IL27RA: variants seen among roughly 807,000 people sequenced by gnomAD.
IL27RA encodes interleukin 27 receptor subunit alpha.
In IL27RA, 61 loss-of-function variants were observed where a neutral mutation model predicts 80.8. The ratio of observed to expected loss-of-function variants is 0.76; its 90% confidence interval spans 0.61 to 0.93. The LOEUF (loss-of-function observed/expected upper bound fraction) is 0.93. Among genes scored for constraint, IL27RA ranks in the 40% least tolerant of loss-of-function variants. The pLI, the probability that IL27RA is intolerant of heterozygous loss-of-function variation, is 0.00. For missense variants in IL27RA, 735 were observed against 808.1 expected (o/e 0.91, Z 1.10); for synonymous variants, 316 against 332.5 (o/e 0.95, Z 0.54).
chr19:14,052,263 G>GC lies in IL27RA; in HGVS notation c.1890dup (p.Arg631GlnfsTer65), dbSNP rs748604064. On this transcript the variant is annotated frameshift_variant, in exon 14 of 14. Coordinates refer to ENST00000263379, the MANE Select transcript of IL27RA (RefSeq NM_004843.4). LOFTEE classifies it high-confidence loss of function. Reference sequence around the variant, plus strand: ...CACCTGAGGAGCTGGGCCTTCTGGGGCCCCCCAGGCCACAGGTTCTGGCCT... The same window carrying GC: ...CACCTGAGGAGCTGGGCCTTCTGGGGCCCCCCCAGGCCACAGGTTCTGGCCT... 6.5e-6 allele frequency: 10 copies of GC among 1,536,554 alleles called. No individual in the cohort carries two copies. The highest frequency in any genetic ancestry group is 4.2e-5 in the Admixed American group (2 of 48,080).
At chr19:14,048,290 A>AATT (rs1976101453) in intron 8 of IL27RA, among the ~76,000 whole-genome samples, 2 of 128,676 alleles carry the variant, frequency 1.6e-5, no homozygotes, top group East Asian at 2.5e-4. Flanking sequence ...ATAAATAAAT[A>AATT]AATTAATTAA....
intron 6 of IL27RA, among the ~76,000 whole-genome samples, chr19:14,042,995 C>G (rs1381937648): frequency 6.6e-6 from 1 of 151,336 alleles, no homozygotes; most frequent in Non-Finnish European, 1.5e-5. Context: ...TACAAAACTT[C>G]ACGGGGAGTG....
chr19:14,041,714 C>T (rs1241801041), intron 4 of IL27RA, among the ~76,000 whole-genome samples: 1 of 152,098 alleles, frequency 6.6e-6, no homozygotes, highest in Non-Finnish European at 1.5e-5. Flanking sequence ...TTTGACAGGC[C>T]CATGTTCTGG....
At chr19:14,047,358 C>CT (rs146646872) in intron 8 of IL27RA, among the ~76,000 whole-genome samples, 40,755 of 129,572 alleles carry the variant, frequency 0.31, 7,159 homozygotes, top group African/African-American at 0.51. Context: ...CCTAACTTTT[C>CT]TTTTTTTTTT....
chr19:14,037,989 T>C (rs1183646073), intron 2 of IL27RA, among the ~76,000 whole-genome samples: 2 of 151,624 alleles, frequency 1.3e-5, no homozygotes, highest in Admixed American at 1.3e-4. Flanking sequence ...TGCCACCACG[T>C]CCAGCTAATT....
chr19:14,046,208 C>T lies in IL27RA; in HGVS notation c.823C>T (p.Arg275Cys), dbSNP rs372221939. 1.4e-5 allele frequency: 23 copies of T among 1,614,054 alleles called. No individual in the cohort carries two copies. The highest frequency in any genetic ancestry group is 2.2e-5 in the East Asian group (1 of 44,898). Residue 275 changes from arginine to cysteine, a missense_variant, in exon 7 of 14, where the codon CGT (arginine) becomes TGT (cysteine). Physicochemically the swap from Arg to Cys is radical, Grantham distance 180. Coordinates refer to ENST00000263379, the MANE Select transcript of IL27RA (RefSeq NM_004843.4). ...CAAAGTCTGGTTCTGGGTTGGAGGT[C>T]GTGAGCTGAGTCCAGAAGGAATTAC... ...SYKVWFWVGGRELSPEGITCC... is the reference protein window; with the variant it reads ...SYKVWFWVGGCELSPEGITCC...
intron 2 of IL27RA, among the ~76,000 whole-genome samples, chr19:14,032,808 A>G (rs1289490225): frequency 1.2e-5 from 1 of 80,634 alleles, no homozygotes; most frequent in Non-Finnish European, 2.0e-5. Context: ...TCTGTCTCAA[A>G]AAAAAAAAAA....
At chr19:14,037,653 C>T (rs1250005534) in intron 2 of IL27RA, among the ~76,000 whole-genome samples, 5 of 152,114 alleles carry the variant, frequency 3.3e-5, no homozygotes, top group Admixed American at 3.3e-4. Flanking sequence ...CTAGCTACTG[C>T]ATGGTTCTGT....
intron 6 of IL27RA, among the ~76,000 whole-genome samples, chr19:14,043,513 C>T (rs1376860102): frequency 6.6e-6 from 1 of 151,164 alleles, no homozygotes; most frequent in Non-Finnish European, 1.5e-5. Context: ...CAACCTCCAC[C>T]TCCCAGGTTC....
rs771310248 is a variant in IL27RA at position 14,050,786 on chromosome 19, G to A, written c.1431G>A (p.Leu477=). Residue 477 remains leucine (L), a synonymous_variant, in exon 11 of 14, where the codon CTG becomes CTA. Transcript: ENST00000263379. ...GTGGCAACACACAGAGTGTCACCCTGCCTGACCTTCCTTGGGGTCCCTGTG... is the reference window on the plus strand; with the variant it reads ...GTGGCAACACACAGAGTGTCACCCTACCTGACCTTCCTTGGGGTCCCTGTG... The part of the protein sequence containing the change: ...NVSGNTQSVT[L]PDLPWGPCEL... The A allele has an allele frequency of 6.2e-7, 1 of 1,613,498 alleles. No individual in the cohort carries two copies. The highest frequency in any genetic ancestry group is 8.5e-7 in the Non-Finnish European group (1 of 1,179,546).
intron 8 of IL27RA, among the ~76,000 whole-genome samples, chr19:14,047,305 C>T (rs1568502967): frequency 6.6e-6 from 1 of 150,602 alleles, no homozygotes; most frequent in African/African-American, 2.5e-5. Flanking sequence ...CTGCCTTGGC[C>T]TCCCAAAGTG....
chr19:14,047,465 G>A (rs1259789708), intron 8 of IL27RA, among the ~76,000 whole-genome samples: 8 of 142,494 alleles, frequency 5.6e-5, no homozygotes, highest in Non-Finnish European at 1.2e-4. Flanking sequence ...AGCGATTCTC[G>A]TGCCTCAGCC....
chr19:14,036,096 GAA>G (rs1329029832), intron 2 of IL27RA, among the ~76,000 whole-genome samples: 4 of 147,406 alleles, frequency 2.7e-5, no homozygotes, highest in African/African-American at 1.0e-4. Context: ...AAAAAAGAAA[GAA>G]GAAGAAGAAG....
chr19:14,038,740 C>A (rs780461355), intron 2 of IL27RA, among the ~76,000 whole-genome samples: 38 of 151,170 alleles, frequency 2.5e-4, no homozygotes, highest in Non-Finnish European at 3.1e-4. Context: ...CAAAACTAGC[C>A]GGGAGTGGTG....
rs1975816818 is a variant in IL27RA at position 14,031,808 on chromosome 19, G to A, written c.-65G>A. On this transcript the variant is annotated 5_prime_UTR_variant, in exon 1 of 14. Coordinates refer to ENST00000263379, the MANE Select transcript of IL27RA (RefSeq NM_004843.4). ...TCGGGCGCTGTACCCAGAGCTCGAAGAGGAGCAGCGCGGCCGCGCGGACCC... is the reference window on the plus strand; with the variant it reads ...TCGGGCGCTGTACCCAGAGCTCGAAAAGGAGCAGCGCGGCCGCGCGGACCC... The A allele has an allele frequency of 3.6e-6, 5 of 1,374,090 alleles. No individual in the cohort carries two copies. The highest frequency in any genetic ancestry group is 1.5e-5 in the African/African-American group (1 of 68,880). 85.1% of individuals were successfully genotyped at this position (1,374,090 alleles called of 1,614,324 possible).
chr19:14,047,435 G>A (rs1486669617), intron 8 of IL27RA, among the ~76,000 whole-genome samples: 2 of 147,476 alleles, frequency 1.4e-5, no homozygotes, highest in African/African-American at 5.0e-5. Context: ...GCTCACTGCA[G>A]CCTTCACCTC....
rs768245445 is a variant in IL27RA at position 14,031,886 on chromosome 19, G to C, written c.14G>C (p.Arg5Thr). MRGG[R>T]GAPFWLWPLP... ...CCGAGGGACGCCATGCGGGGAGGCA[G>C]GGGCGCCCCTTTCTGGCTGTGGCCG... Residue 5 changes from arginine (R) to threonine (T), a missense_variant, in exon 1 of 14, where the codon AGG becomes ACG. Coordinates refer to ENST00000263379, the MANE Select transcript of IL27RA (RefSeq NM_004843.4). 6.2e-7 allele frequency: 1 copy of C among 1,601,884 alleles called. No individual in the cohort carries two copies. Among genetic ancestry groups the C allele is most frequent in the South Asian group, 1.1e-5 (1 of 89,310 alleles).
intron 2 of IL27RA, among the ~76,000 whole-genome samples, chr19:14,037,826 C>G (rs893056415): frequency 7.6e-6 from 1 of 131,994 alleles, no homozygotes; most frequent in African/African-American, 2.7e-5. Context: ...CCCTCTCGCT[C>G]TCTCTCTCTT....
intron 1 of IL27RA, among the ~76,000 whole-genome samples, 170 bp from the exon 2 acceptor site, chr19:14,032,216 A>AG (rs1314328584): frequency 6.6e-6 from 1 of 152,028 alleles, no homozygotes; most frequent in Non-Finnish European, 1.5e-5. Context: ...GCACAGGGAA[A>AG]GGGGGGGTTT....
Sources: gnomAD v4.1 joint callset for allele counts (sites outside exome capture counted in the v4.1 genomes callset) on GRCh38, gnomAD v4.1.1 for gene constraint, MANE v1.5 for transcripts, NCBI Gene and HGNC (gene_info 2026-07-23, HGNC 2026-07-21) for gene names.